INA: variants seen among roughly 807,000 people sequenced by gnomAD.
The protein encoded by INA is alpha-internexin.
INA carries 35 observed loss-of-function variants against 40.1 expected under a neutral mutation model. The observed-to-expected ratio is 0.87, with a 90% CI of 0.67 to 1.16. INA has a LOEUF of 1.16. Ranked by LOEUF, INA falls within the 50% of genes most tolerant of loss-of-function variation. The pLI is 0.00. For synonymous variants in INA, 290 were observed against 316.9 expected (o/e 0.92, Z 0.90); for missense variants, 594 against 686.7 (o/e 0.87, Z 1.51).
At chr10:103,284,914 G>A (rs2093081886) in intron 1 of INA, among the ~76,000 whole-genome samples, 1 of 152,130 alleles carries the variant, frequency 6.6e-6, no homozygotes, top group African/African-American at 2.4e-5. Context: ...GGTTGGTCGA[G>A]GATGGATACT....
At position 103,284,538 on chromosome 10, in the gene INA, G is replaced by A. The variant is rs1038876852; in HGVS notation, c.1066-2497G>A. On this transcript the variant is annotated intron_variant, in intron 1 of 2. Coordinates refer to ENST00000369849, the MANE Select transcript of INA (RefSeq NM_032727.4). Reference sequence around the variant, plus strand: ...TGGGAGGCTGAGGCGGGCGGATCACGAGGTTAGGAGTTCAAGACCAGCCTG... The same window carrying A: ...TGGGAGGCTGAGGCGGGCGGATCACAAGGTTAGGAGTTCAAGACCAGCCTG... Among the ~76,000 whole-genome samples the A allele has an allele frequency of 6.6e-5, 10 of 152,072 alleles. No individual in the cohort carries two copies. The East Asian group carries it at 9.7e-4, about 15-fold the overall frequency.
chr10:103,288,310 G>A, intron 2 of INA, 50 bp from the exon 3 acceptor site: 2 of 1,491,526 alleles, frequency 1.3e-6, no homozygotes, highest in Non-Finnish European at 1.8e-6. Context: ...TGAGTTCTGG[G>A]GGGGAAAAGT....
rs930254814 is a variant in INA, at chr10:103,277,787, C to G, written c.576C>G (p.Ala192=). 3.3e-5 allele frequency: 50 copies of G among 1,508,914 alleles called. No individual in the cohort carries two copies. The Admixed American group carries it at 6.9e-4, about 21-fold the overall frequency. The allele number at this position is 1,508,914 out of a possible 1,614,324, so 93.5% of individuals were successfully genotyped here. The change falls in exon 1 of 3, where the codon GCC becomes GCG. Residue 192 remains alanine, a synonymous_variant. Transcript: ENST00000369849. This position sits in a 1 kb window ranked among gnomAD's most constrained non-coding sequence, Gnocchi z 5.6. ...AGGAGAGCCGCGGACGCGAAGGCGC[C>G]GAGCGCGCCCTGAAGGCGCAGCAGC... ...CEEESRGREG[A]ERALKAQQRD... is the part of the protein sequence containing the mutation.
At position 103,283,342 on chromosome 10, in the gene INA, T is replaced by A. The variant is rs187128310; in HGVS notation, c.1066-3693T>A. Among the ~76,000 whole-genome samples, 5 of 152,358 alleles carry A rather than the reference T, an allele frequency of 3.3e-5. No individual in the cohort carries two copies. In the East Asian group the frequency reaches 9.6e-4, roughly 29 times the overall value. ...TCAGTAGCTAGAGGGTCTATGTCAGTGATTCTATGTCAGTAGCAGAATTGA... is the reference window on the plus strand; with the variant it reads ...TCAGTAGCTAGAGGGTCTATGTCAGAGATTCTATGTCAGTAGCAGAATTGA... On this transcript the variant is annotated intron_variant, in intron 1 of 2. Transcript: ENST00000369849.
chr10:103,277,291 C>T lies in INA; in HGVS notation c.80C>T (p.Ala27Val). The T allele has an allele frequency of 1.3e-6, 2 of 1,583,194 alleles. No homozygotes were observed. The highest frequency in any genetic ancestry group is 1.7e-6 in the Non-Finnish European group (2 of 1,170,106). ...KVFGDGSRLSARLSGAGGAGG... is the reference protein window; with the variant it reads ...KVFGDGSRLSVRLSGAGGAGG... ...TTCGGGGATGGCTCTCGCCTGTCCG[C>T]CCGCCTCTCTGGGGCCGGCGGCGCG... Residue 27 changes from alanine to valine, a missense_variant, in exon 1 of 3, where the codon GCC becomes GTC. Physicochemically the swap from Ala to Val is moderately conservative, Grantham distance 64 (BLOSUM62 0). Transcript: ENST00000369849. This position sits in a 1 kb window ranked among gnomAD's most constrained non-coding sequence, Gnocchi z 5.6.
chr10:103,277,407 T>C lies in INA; in HGVS notation c.196T>C (p.Tyr66His). 2 of 1,557,912 alleles carry C rather than the reference T, an allele frequency of 1.3e-6. No homozygotes were observed. The highest frequency in any genetic ancestry group is 8.6e-7 in the Non-Finnish European group (1 of 1,158,452). ...SASSLGLGLAYRRPPASDGLD... is the reference protein window; with the variant it reads ...SASSLGLGLAHRRPPASDGLD... The stretch of plus-strand genomic sequence containing the variant: ...CTCGTCGCTCGGCCTCGGCCTGGCC[T>C]ATCGCCGGCCGCCGGCGTCCGACGG... The change falls in exon 1 of 3, where the codon TAT (tyrosine) becomes CAT (histidine). Residue 66 changes from tyrosine (Y) to histidine (H), a missense_variant. Physicochemically the swap from Tyr to His is moderately conservative, Grantham distance 83 (BLOSUM62 2). Transcript: ENST00000369849. This position sits in a 1 kb window ranked among gnomAD's most constrained non-coding sequence, Gnocchi z 5.6.
rs749763832 is a variant in INA at position 103,278,071 on chromosome 10, A to G, written c.860A>G (p.Tyr287Cys). ...AACCTGCAGTCCGCGGAAGAATGGT[A>G]CAAGTCCAAGTTTGCCAACCTGAAC... ...AKNLQSAEEW[Y>C]KSKFANLNEQ... Residue 287 changes from tyrosine (Y) to cysteine (C), a missense_variant, in exon 1 of 3, where the codon TAC (tyrosine) becomes TGC (cysteine). Coordinates refer to ENST00000369849, the MANE Select transcript of INA (RefSeq NM_032727.4). This position sits in a 1 kb window ranked among gnomAD's most constrained non-coding sequence, Gnocchi z 4.9. 1.5e-5 allele frequency: 24 copies of G among 1,613,764 alleles called. No homozygotes were observed. The highest frequency in any genetic ancestry group is 1.9e-5 in the Non-Finnish European group (23 of 1,179,944).
chr10:103,277,366 C>T lies in INA; in HGVS notation c.155C>T (p.Ala52Val). The T allele has an allele frequency of 6.4e-7, 1 of 1,567,990 alleles. No individual in the cohort carries two copies. Among genetic ancestry groups the T allele is most frequent in the Non-Finnish European group, 8.6e-7 (1 of 1,163,794 alleles). Reference sequence around the variant, plus strand: ...TCCCGCAGCAATGTGGCCTCCTCGGCCGCCTGCTCCTCGGCCTCGTCGCTC... The same window carrying T: ...TCCCGCAGCAATGTGGCCTCCTCGGTCGCCTGCTCCTCGGCCTCGTCGCTC... ...SLSRSNVASSAACSSASSLGL... is the reference protein window; with the variant it reads ...SLSRSNVASSVACSSASSLGL... The change falls in exon 1 of 3, where the codon GCC (alanine) becomes GTC (valine). Residue 52 changes from alanine (A) to valine (V), a missense_variant. By Grantham distance (64) the Ala-to-Val change is moderately conservative (BLOSUM62 0). Transcript: ENST00000369849. The surrounding 1 kb of genome is among the most constrained non-coding windows in gnomAD (Gnocchi z 5.6).
chr10:103,277,742 G>A lies in INA; in HGVS notation c.531G>A (p.Arg177=). 4.9e-6 allele frequency: 7 copies of A among 1,421,046 alleles called. No homozygotes were observed. Among genetic ancestry groups the A allele is most frequent in the Admixed American group, 3.2e-5 (1 of 31,464 alleles). 88.0% of individuals were successfully genotyped at this position (1,421,046 alleles called of 1,614,324 possible). ...ERDGLAEEVQ[R]LRARCEEESR... The stretch of plus-strand genomic sequence containing the variant: ...ACGGGCTGGCGGAGGAGGTGCAGCG[G>A]CTGCGGGCGCGCTGCGAGGAGGAGA... The change falls in exon 1 of 3, where the codon CGG becomes CGA. Residue 177 remains arginine (R), a synonymous_variant. Coordinates refer to ENST00000369849, the MANE Select transcript of INA (RefSeq NM_032727.4). The surrounding 1 kb of genome is among the most constrained non-coding windows in gnomAD (Gnocchi z 5.6).
At chr10:103,285,510 G>A (rs576329451) in intron 1 of INA, among the ~76,000 whole-genome samples, 37 of 144,414 alleles carry the variant, frequency 2.6e-4, no homozygotes, top group Middle Eastern at 3.7e-3. Flanking sequence ...TGGTCTGGCT[G>A]GTCTCGAACT....
At chr10:103,283,019 G>A (rs188907107) in intron 1 of INA, among the ~76,000 whole-genome samples, 275 of 152,250 alleles carry the variant, frequency 1.8e-3, no homozygotes, top group Non-Finnish European at 3.4e-3. Context: ...GTATATGTGA[G>A]ATATATTAAA....
At chr10:103,280,159 T>G in intron 1 of INA, 1 of 985,362 alleles carries the variant, frequency 1.0e-6, no homozygotes, top group Non-Finnish European at 1.2e-6. Context: ...CCAGACATGG[T>G]CTACAGGAAA....
Position 103,289,020 on chromosome 10 carries a change from CTACCCAGCCAT to C in INA, c.*360_*370del, listed in dbSNP as rs1394204074. On this transcript the variant is annotated 3_prime_UTR_variant, in exon 3 of 3. Transcript: ENST00000369849. ...TGAACTGAAATTAAAACTATTCATG[CTACCCAGCCAT>C]TACCCAGCTAAATAATCTTACTCTA... The C allele has an allele frequency of 1.2e-5, 2 of 165,900 alleles. No homozygotes were observed. The highest frequency in any genetic ancestry group is 2.4e-5 in the African/African-American group (1 of 41,850). The allele number at this position is 165,900 out of a possible 1,614,324, so 10.3% of individuals were successfully genotyped here. A position where few individuals can be genotyped will look rare whatever the true frequency, so the allele number is the denominator to read the frequency against.
chr10:103,277,233 T>C lies in INA; in HGVS notation c.22T>C (p.Tyr8His), dbSNP rs370048294. The change falls in exon 1 of 3, where the codon TAC becomes CAC. Residue 8 changes from tyrosine to histidine, a missense_variant. Tyr to His is a moderately conservative substitution (Grantham distance 83). Around this residue, in one of 2 missense-constraint regions of INA, gnomAD observed 215 missense variants for 190.6 expected, o/e 1.13. Coordinates refer to ENST00000369849, the MANE Select transcript of INA (RefSeq NM_032727.4). This position sits in a 1 kb window ranked among gnomAD's most constrained non-coding sequence, Gnocchi z 5.6. Reference sequence around the variant, plus strand: ...CACCATGAGCTTCGGCTCGGAGCACTACCTGTGCTCCTCCTCCTCCTACCG... The same window carrying C: ...CACCATGAGCTTCGGCTCGGAGCACCACCTGTGCTCCTCCTCCTCCTACCG... MSFGSEH[Y>H]LCSSSSYRKV... 3.1e-5 allele frequency: 50 copies of C among 1,589,168 alleles called. No homozygotes were observed. Among genetic ancestry groups the C allele is most frequent in the Non-Finnish European group, 4.1e-5 (48 of 1,170,964 alleles).
Position 103,277,201 on chromosome 10 carries a change from A to C in INA, c.-11A>C, listed in dbSNP as rs773179927. 3.8e-6 allele frequency: 6 copies of C among 1,570,602 alleles called. No individual in the cohort carries two copies. The Admixed American group carries it at 9.2e-5, about 24-fold the overall frequency. On this transcript the variant is annotated 5_prime_UTR_variant, in exon 1 of 3. Coordinates refer to ENST00000369849, the MANE Select transcript of INA (RefSeq NM_032727.4). The surrounding 1 kb of genome is among the most constrained non-coding windows in gnomAD (Gnocchi z 5.6). ...CGTTGAAGCCGCACGTCCGGCCCCG[A>C]TCCCGGCACCATGAGCTTCGGCTCG...
chr10:103,288,719 G>C lies in INA; in HGVS notation c.*50G>C, dbSNP rs143910527. ...GCTTAAGAGGGAATGATATGCATTT[G>C]ACTTGTTAAACAGCCTATTCCTGAA... On this transcript the variant is annotated 3_prime_UTR_variant, in exon 3 of 3. Transcript: ENST00000369849. 10 of 1,252,436 alleles carry C rather than the reference G, an allele frequency of 8.0e-6. No homozygotes were observed. In the African/African-American group the frequency reaches 1.4e-4, roughly 17 times the overall value. The allele number at this position is 1,252,436 out of a possible 1,614,324, so 77.6% of individuals were successfully genotyped here.
chr10:103,279,587 T>C (rs548752589), intron 1 of INA, among the ~76,000 whole-genome samples: 2 of 152,324 alleles, frequency 1.3e-5, no homozygotes, highest in South Asian at 4.1e-4. Context: ...TTCAGAAACT[T>C]GCAATAATTC....
At position 103,278,174 on chromosome 10, in the gene INA, G is replaced by A; in HGVS notation, c.963G>A (p.Ala321=). Residue 321 remains alanine (A), a synonymous_variant, in exon 1 of 3, where the codon GCG becomes GCA. Transcript: ENST00000369849. This position sits in a 1 kb window ranked among gnomAD's most constrained non-coding sequence, Gnocchi z 4.9. The part of the protein sequence containing the change: ...EIHEYRRQLQ[A]RTIEIEGLRG... ...ACGAGTATCGGCGCCAGCTGCAGGC[G>A]CGCACCATCGAGATCGAGGGCCTGC... 6.2e-7 allele frequency: 1 copy of A among 1,611,478 alleles called. No individual in the cohort carries two copies. Among genetic ancestry groups the A allele is most frequent in the South Asian group, 1.1e-5 (1 of 90,850 alleles).
chr10:103,282,578 A>G (rs1416838115), intron 1 of INA, among the ~76,000 whole-genome samples: 1 of 152,162 alleles, frequency 6.6e-6, no homozygotes, highest in Non-Finnish European at 1.5e-5. Context: ...GTAGAATTAA[A>G]CAGCCTGATA....
Sources: gnomAD v4.1 joint callset for allele counts (sites outside exome capture counted in the v4.1 genomes callset) on GRCh38, gnomAD v4.1.1 for gene constraint, gnomAD v4.1.1 regional missense constraint, Gnocchi (gnomAD v3.1) non-coding constraint, MANE v1.5 for transcripts, NCBI Gene and HGNC (gene_info 2026-07-23, HGNC 2026-07-21) for gene names.